The following TSBP1 variants were observed in gnomAD, a reference collection of about 807,000 sequenced individuals.
The protein encoded by TSBP1 is testis expressed basic protein 1, also known as testis-expressed basic protein 1.
Under a neutral mutation model 68.8 loss-of-function variants are expected in TSBP1, and 56 were observed. The ratio of observed to expected loss-of-function variants is 0.81; its 90% CI spans 0.66 to 1.02. TSBP1 has a LOEUF of 1.02. TSBP1 is among the 50% of genes least tolerant of loss of function. TSBP1 has a pLI of 0.00. For synonymous variants in TSBP1, 171 were observed against 208.7 expected (o/e 0.82, Z 1.56); for missense variants, 502 against 641.2 (o/e 0.78, Z 2.34).
intron 10 of TSBP1, 24 bp downstream of exon 11, chr6:32,339,576 G>C: frequency 8.2e-7 from 1 of 1,226,446 alleles, no homozygotes; most frequent in Non-Finnish European, 1.2e-6. Flanking sequence ...AAAAAGGACT[G>C]AGTTGTATAT....
chr6:32,337,379 C>G lies in TSBP1; in HGVS notation c.410-744G>C, dbSNP rs896857770. Among the ~76,000 whole-genome samples the G allele has an allele frequency of 5.9e-5, 9 of 152,166 alleles. No individual in the cohort carries two copies. Among genetic ancestry groups the G allele is most frequent in the South Asian group, 2.1e-4 (1 of 4,832 alleles). On this transcript the variant is annotated intron_variant, in intron 11 of 22. Coordinates refer to ENST00000612031, the Ensembl canonical transcript of TSBP1. The surrounding 1 kb of genome is among the most constrained non-coding windows in gnomAD (Gnocchi z 5.5). ...TTCCCCTTTCCCCACGGGTGTCCTG[C>G]TTGTATCTCAGGAGATTACACAGGC...
At position 32,337,291 on chromosome 6, in the gene TSBP1, C is replaced by T. The variant is rs890201584; in HGVS notation, c.410-656G>A. On this transcript the variant is annotated intron_variant, in intron 11 of 22. Transcript: ENST00000612031. This position sits in a 1 kb window ranked among gnomAD's most constrained non-coding sequence, Gnocchi z 5.5. Reference sequence around the variant, plus strand: ...CTTCTTTCTTCATCTTGGAGGATCCCGGTTACTGGTGGAATCTGCCAGCTG... The same window carrying T: ...CTTCTTTCTTCATCTTGGAGGATCCTGGTTACTGGTGGAATCTGCCAGCTG... Among the ~76,000 whole-genome samples, 10 of 152,156 alleles carry T rather than the reference C, an allele frequency of 6.6e-5. No individual in the cohort carries two copies. The highest frequency in any genetic ancestry group is 1.5e-4 in the Non-Finnish European group (10 of 68,030).
chr6:32,359,590 G>T (rs1772762947), intron 6 of TSBP1, among the ~76,000 whole-genome samples: 1 of 152,094 alleles, frequency 6.6e-6, no homozygotes, highest in South Asian at 2.1e-4. Flanking sequence ...CTCCCATTCT[G>T]TAGTTTGCCT....
At chr6:32,368,050 T>C (rs990309342) in intron 3 of TSBP1, 93 bp from the exon 4 acceptor site, 3 of 932,632 alleles carry the variant, frequency 3.2e-6, no homozygotes, top group Admixed American at 3.9e-5. Context: ...CATGAACTCC[T>C]AATGGTGAAT....
intron 22 of TSBP1, among the ~76,000 whole-genome samples, chr6:32,296,149 C>T (rs1764699115): frequency 6.6e-6 from 1 of 152,112 alleles, no homozygotes; most frequent in African/African-American, 2.4e-5. Flanking sequence ...CAGCCAATTA[C>T]AGGAAAATTT....
Position 32,366,045 on chromosome 6 carries a change from C to T in TSBP1, c.217+122G>A, listed in dbSNP as rs993276019. ...ATTTGTGAACATTTCTCAGAATATT[C>T]TGTAACTACTTTGATTTCTTCTTCT... On this transcript the variant is annotated intron_variant, in intron 6 of 22. Coordinates refer to ENST00000612031, the Ensembl canonical transcript of TSBP1. 3 of 1,364,996 alleles carry T rather than the reference C, an allele frequency of 2.2e-6. No individual in the cohort carries two copies. The African/African-American group carries it at 4.7e-5, about 21-fold the overall frequency. The allele number at this position is 1,364,996 out of a possible 1,614,324, so 84.6% of individuals were successfully genotyped here. A position where few individuals can be genotyped will look rare whatever the true frequency, so the allele number is the denominator to read the frequency against.
chr6:32,299,857 G>GACCTGTCTGT, intron 22 of TSBP1, 65 bp downstream of exon 25: 1 of 1,331,242 alleles, frequency 7.5e-7, no homozygotes, highest in Admixed American at 1.7e-5. Flanking sequence ...AGTAGAAACA[G>GACCTGTCTGT]ACAGGTCACA....
At position 32,293,555 on chromosome 6, in the gene TSBP1, A is replaced by G. The variant is rs574400346; in HGVS notation, c.1118T>C (p.Met373Thr). 57 of 1,612,220 alleles carry G rather than the reference A, an allele frequency of 3.5e-5. No individual in the cohort carries two copies. In the Admixed American group the frequency reaches 4.0e-4, roughly 11 times the overall value. The stretch of plus-strand genomic sequence containing the variant: ...GGATTCCTGTCTTCTTGGCACACCC[A>G]TCTCACTCTTCTCTACCTGGGCTTC... Residue 373 changes from methionine (M) to threonine (T), a missense_variant, in exon 23 of 23, where the codon ATG (methionine) becomes ACG (threonine). Coordinates refer to ENST00000612031, the Ensembl canonical transcript of TSBP1.
chr6:32,339,632 A>T, exon 10 of TSBP1: 1 of 1,209,282 alleles, frequency 8.3e-7, no homozygotes, highest in Non-Finnish European at 1.2e-6. Flanking sequence ...TAAACATTTT[A>T]TACTACCTAT....
At chr6:32,293,035 C>G (rs764505509) in exon 23 of TSBP1, 22 of 1,612,074 alleles carry the variant, frequency 1.4e-5, no homozygotes, top group Non-Finnish European at 1.9e-5. Flanking sequence ...TCGCCCTTTT[C>G]GAGCCTTTTG....
rs1766977416 is a variant in TSBP1, at chr6:32,316,559, A to G, written c.560-767T>C. The G allele has an allele frequency of 4.4e-6, 3 of 676,864 alleles. No individual in the cohort carries two copies. The highest frequency in any genetic ancestry group is 2.6e-4 in the Middle Eastern group (1 of 3,910). 41.9% of individuals were successfully genotyped at this position (676,864 alleles called of 1,614,324 possible). ...TCTCTGTTAAAAGCTCCAATTCTTT[A>G]TGACTGCATTCTTGGGTAAGTATTT... is the stretch of plus-strand genomic sequence containing the variant. On this transcript the variant is annotated intron_variant, in intron 18 of 22. Coordinates refer to ENST00000612031, the Ensembl canonical transcript of TSBP1. This position sits in a 1 kb window ranked among gnomAD's most constrained non-coding sequence, Gnocchi z 4.5.
chr6:32,298,852 C>T (rs560312751), intron 22 of TSBP1, among the ~76,000 whole-genome samples: 2 of 152,098 alleles, frequency 1.3e-5, no homozygotes, highest in Non-Finnish European at 2.9e-5. Context: ...TGTATGGTTT[C>T]CTTGCTTGAA....
chr6:32,368,913 C>G, intron 2 of TSBP1, 99 bp from the exon 3 acceptor site: 1 of 1,375,468 alleles, frequency 7.3e-7, no homozygotes, highest in Non-Finnish European at 9.8e-7. Context: ...TTCTTGCTTA[C>G]CAAGGTGGTC....
At chr6:32,313,642 G>A (rs1000839670) in intron 19 of TSBP1, among the ~76,000 whole-genome samples, 2 of 151,454 alleles carry the variant, frequency 1.3e-5, no homozygotes, top group Non-Finnish European at 2.9e-5. Context: ...TTCCTTGGGG[G>A]CTATCTTTCA....
chr6:32,311,139 A>G (rs1357553909), intron 19 of TSBP1, among the ~76,000 whole-genome samples: 5 of 151,770 alleles, frequency 3.3e-5, no homozygotes, highest in East Asian at 1.9e-4. Flanking sequence ...CTACTTCTCT[A>G]TATGCATAGT....
chr6:32,343,159 T>C lies in TSBP1; in HGVS notation c.350-3521A>G. 1 of 779,066 alleles carries C rather than the reference T, an allele frequency of 1.3e-6. No homozygotes were observed. 48.3% of individuals were successfully genotyped at this position (779,066 alleles called of 1,614,324 possible). ...CCCTGACATAGCAGGAAACAGGAAA[T>C]AGTTAAGACAGGGAGAAGTCCTCTG... On this transcript the variant is annotated intron_variant, in intron 9 of 22. Coordinates refer to ENST00000612031, the Ensembl canonical transcript of TSBP1. This position sits in a 1 kb window ranked among gnomAD's most constrained non-coding sequence, Gnocchi z 4.3.
chr6:32,338,856 A>G lies in TSBP1; in HGVS notation c.409+123T>C. 2.4e-6 allele frequency: 2 copies of G among 817,028 alleles called. No homozygotes were observed. Among genetic ancestry groups the G allele is most frequent in the Admixed American group, 1.9e-5 (1 of 52,594 alleles). 50.6% of individuals were successfully genotyped at this position (817,028 alleles called of 1,614,324 possible). A position where few individuals can be genotyped will look rare whatever the true frequency, so the allele number is the denominator to read the frequency against. ...TTAAGATAAGAATAGGGAATAAACA[A>G]GGGGAAAGGAATGGACAATTTGTGA... is the stretch of plus-strand genomic sequence containing the variant. On this transcript the variant is annotated intron_variant, in intron 11 of 22. Transcript: ENST00000612031. This position sits in a 1 kb window ranked among gnomAD's most constrained non-coding sequence, Gnocchi z 5.5.
intron 14 of TSBP1, among the ~76,000 whole-genome samples, chr6:32,334,439 A>G (rs1484379061): frequency 6.6e-6 from 1 of 152,154 alleles, no homozygotes; most frequent in East Asian, 1.9e-4. Context: ...CCCAAAAATG[A>G]TAGTGGAAAG....
chr6:32,341,987 G>A (rs1182170905), intron 9 of TSBP1, among the ~76,000 whole-genome samples: 2 of 150,974 alleles, frequency 1.3e-5, no homozygotes, highest in Non-Finnish European at 2.9e-5. Flanking sequence ...ATTTTTTGCC[G>A]ATTTCCTCAC....
Sources: allele counts gnomAD v4.1 joint callset (sites outside exome capture counted in the v4.1 genomes callset), GRCh38; gene constraint gnomAD v4.1.1; non-coding constraint Gnocchi (gnomAD v3.1); transcripts MANE v1.5; gene names NCBI Gene and HGNC (gene_info 2026-07-23, HGNC 2026-07-21).